RCSD1: variants seen among roughly 807,000 people sequenced by gnomAD.
RCSD1 encodes RCSD domain containing 1, also known as capZ-interacting protein.
RCSD1 carries 26 observed loss-of-function variants against 42.5 expected under a neutral mutation model. The observed-to-expected ratio is 0.61, with a 90% confidence interval of 0.45 to 0.85. RCSD1 has a LOEUF of 0.85. Ranked by LOEUF, RCSD1 falls within the 40% of genes least tolerant of loss-of-function variation. RCSD1 has a pLI of 0.00. For missense variants in RCSD1, 571 were observed against 528.3 expected (o/e 1.08, Z -0.79); for synonymous variants, 220 against 212.2 (o/e 1.04, Z -0.32).
intron 1 of RCSD1, among the ~76,000 whole-genome samples, chr1:167,667,120 G>A (rs908679284): frequency 2.9e-4 from 44 of 151,830 alleles, no homozygotes; most frequent in Non-Finnish European, 7.3e-5. Context: ...AGCTGAGTAG[G>A]CTTCAAGGGA....
chr1:167,669,003 T>C (rs961187238), intron 1 of RCSD1, among the ~76,000 whole-genome samples: 1 of 152,266 alleles, frequency 6.6e-6, no homozygotes, highest in Non-Finnish European at 1.5e-5. Flanking sequence ...GCTTGTGTTC[T>C]TCTGAATCCC....
At chr1:167,675,999 A>G (rs1658943241) in intron 1 of RCSD1, among the ~76,000 whole-genome samples, 2 of 152,212 alleles carry the variant, frequency 1.3e-5, no homozygotes, top group African/African-American at 2.4e-5. Context: ...CCCCATAGCC[A>G]ACATCCAGTA....
chr1:167,655,291 G>A (rs1156881048), intron 1 of RCSD1, among the ~76,000 whole-genome samples: 2 of 152,206 alleles, frequency 1.3e-5, no homozygotes, highest in Non-Finnish European at 2.9e-5. Flanking sequence ...CAGGAGAGAG[G>A]TGCTTTGCAG....
chr1:167,638,773 A>G (rs571295260), intron 1 of RCSD1, among the ~76,000 whole-genome samples: 18 of 152,350 alleles, frequency 1.2e-4, no homozygotes, highest in African/African-American at 3.6e-4. Flanking sequence ...AGACTTTTCC[A>G]AATTCATTTT....
At chr1:167,696,066 G>A (rs955615607) in intron 5 of RCSD1, among the ~76,000 whole-genome samples, 6 of 152,048 alleles carry the variant, frequency 3.9e-5, no homozygotes, top group South Asian at 2.1e-4. Flanking sequence ...CCCAGTATCC[G>A]CCAACTTCAC....
intron 1 of RCSD1, among the ~76,000 whole-genome samples, chr1:167,659,264 C>T (rs753214806): frequency 3.3e-5 from 5 of 152,082 alleles, no homozygotes; most frequent in Admixed American, 1.3e-4. Context: ...TGTCATTATG[C>T]GAGAGTGCTT....
At chr1:167,638,945 C>T (rs1224416318) in intron 1 of RCSD1, among the ~76,000 whole-genome samples, 5 of 152,098 alleles carry the variant, frequency 3.3e-5, no homozygotes, top group South Asian at 2.1e-4. Flanking sequence ...TGGTCGGGGG[C>T]GGTGGCTTAT....
chr1:167,654,820 G>C (rs911273664), intron 1 of RCSD1, among the ~76,000 whole-genome samples: 2 of 152,100 alleles, frequency 1.3e-5, no homozygotes, highest in Admixed American at 1.3e-4. Flanking sequence ...CTACAGTGAG[G>C]ATGAAGAGTC....
intron 1 of RCSD1, among the ~76,000 whole-genome samples, chr1:167,652,449 T>C (rs1658335251): frequency 6.6e-6 from 1 of 152,180 alleles, no homozygotes; most frequent in South Asian, 2.1e-4. Context: ...TACTTGAGTG[T>C]ATTTTCAGCC....
intron 1 of RCSD1, among the ~76,000 whole-genome samples, chr1:167,674,920 T>C (rs1223039306): frequency 6.6e-6 from 1 of 152,116 alleles, no homozygotes; most frequent in Non-Finnish European, 1.5e-5. Flanking sequence ...AATAAAGACA[T>C]ATCCAGCCGG....
intron 1 of RCSD1, among the ~76,000 whole-genome samples, chr1:167,631,984 G>A (rs1657713258): frequency 6.6e-6 from 1 of 152,236 alleles, no homozygotes; most frequent in African/African-American, 2.4e-5. Context: ...GTCTAATATG[G>A]ACCCTCCACA....
intron 4 of RCSD1, among the ~76,000 whole-genome samples, chr1:167,691,690 C>T (rs1477727322): frequency 6.6e-6 from 1 of 152,254 alleles, no homozygotes; most frequent in Non-Finnish European, 1.5e-5. Context: ...ATTTGGATCC[C>T]AGCCTGACTG....
At chr1:167,690,465 G>A (rs1472185823) in intron 4 of RCSD1, among the ~76,000 whole-genome samples, 1 of 152,168 alleles carries the variant, frequency 6.6e-6, no homozygotes, top group Non-Finnish European at 1.5e-5. Flanking sequence ...CGTGAGCCCA[G>A]GAGTTCAAGA....
At position 167,697,602 on chromosome 1, in the gene RCSD1, GGT is replaced by G. The variant is rs1287837521; in HGVS notation, c.980_981del (p.Val327GlyfsTer3). 6.2e-7 allele frequency: 1 copy of G among 1,607,858 alleles called. No individual in the cohort carries two copies. Among genetic ancestry groups the G allele is most frequent in the African/African-American group, 1.3e-5 (1 of 74,746 alleles). On this transcript the variant is annotated frameshift_variant, in exon 6 of 7. Coordinates refer to ENST00000367854, the MANE Select transcript of RCSD1 (RefSeq NM_052862.4). LOFTEE classifies it high-confidence loss of function. ...AGGGGGAGAGGGTGCAAAATGAAGA[GGT>G]GGGACCTGAACATGACAGCCAAGAA... The part of the protein sequence containing the change: ...VKGERVQNEE[V>X]GPEHDSQETK...
At chr1:167,670,204 G>C (rs1052601211) in intron 1 of RCSD1, among the ~76,000 whole-genome samples, 3 of 151,294 alleles carry the variant, frequency 2.0e-5, no homozygotes, top group Non-Finnish European at 4.4e-5. Context: ...CAACAGTAGA[G>C]AGTCAGAGTA....
At chr1:167,641,366 T>G (rs1285626121) in intron 1 of RCSD1, 1 of 152,240 alleles carries the variant, frequency 6.6e-6, no homozygotes, top group Non-Finnish European at 1.5e-5. Context: ...TATTCTTTCA[T>G]TAATCCCTTC....
intron 1 of RCSD1, among the ~76,000 whole-genome samples, chr1:167,636,360 G>C (rs1558069973): frequency 6.6e-6 from 1 of 152,116 alleles, no homozygotes; most frequent in Non-Finnish European, 1.5e-5. Context: ...GCAGTCAGGT[G>C]GGGGCACTGA....
intron 1 of RCSD1, among the ~76,000 whole-genome samples, chr1:167,678,664 G>A (rs576217551): frequency 3.3e-5 from 5 of 152,084 alleles, no homozygotes; most frequent in South Asian, 2.1e-4. Context: ...TCCTTGATGC[G>A]CGACTCAGGT....
rs1657666044 is a variant in RCSD1, at chr1:167,630,411, G to A, written c.-13G>A. On this transcript the variant is annotated 5_prime_UTR_variant, in exon 1 of 7. Transcript: ENST00000367854. ...AGCGGGTGCGTCTGCCGCAGAGTCG[G>A]CACCTGAAGGACATGGAGGTAAAGG... is the stretch of plus-strand genomic sequence containing the variant. 3.3e-6 allele frequency: 5 copies of A among 1,529,564 alleles called. No individual in the cohort carries two copies. The highest frequency in any genetic ancestry group is 5.2e-5 in the East Asian group (2 of 38,812). The allele number at this position is 1,529,564 out of a possible 1,614,324, so 94.7% of individuals were successfully genotyped here.
Sources: allele counts gnomAD v4.1 joint callset (sites outside exome capture counted in the v4.1 genomes callset), GRCh38; gene constraint gnomAD v4.1.1; transcripts MANE v1.5; gene names NCBI Gene and HGNC (gene_info 2026-07-23, HGNC 2026-07-21).